SEMA4F: variants seen among roughly 807,000 people sequenced by gnomAD.
The protein encoded by SEMA4F is semaphorin-4F.
A neutral mutation model predicts 78.4 loss-of-function variants in SEMA4F; 51 were observed. The ratio of observed to expected loss-of-function variants is 0.65; its 90% CI spans 0.52 to 0.82. The LOEUF is 0.82. SEMA4F is among the 40% of genes least tolerant of loss of function. The probability of loss-of-function intolerance (pLI) is 0.00; values close to 1 mark genes in which losing one functional copy is unlikely to be tolerated. For synonymous variants in SEMA4F, 418 were observed against 408.7 expected, an observed-to-expected ratio of 1.02 and a Z score of -0.27; for missense variants, 938 against 1,014.4, an observed-to-expected ratio of 0.92 and a Z score of 1.02.
intron 12 of SEMA4F, among the ~76,000 whole-genome samples, chr2:74,677,452 A>G (rs1367646920): frequency 1.3e-5 from 2 of 152,180 alleles, no homozygotes; most frequent in Non-Finnish European, 2.9e-5. Context: ...AAACCATATT[A>G]CCATTATCAT....
At chr2:74,671,010 AC>A (rs1558727957) in intron 5 of SEMA4F, among the ~76,000 whole-genome samples, 1 of 137,930 alleles carries the variant, frequency 7.3e-6, no homozygotes, top group African/African-American at 3.5e-5. Context: ...ATCTTATTTA[AC>A]CCTTAGCACT....
At chr2:74,709,042 T>C in the SEMA4F span, among the ~76,000 whole-genome samples, 1 of 152,266 alleles carries the variant, frequency 6.6e-6, no homozygotes, top group East Asian at 1.9e-4. Context: ...TGCGTGCCTA[T>C]AGTCCCAGCT....
At chr2:74,661,393 T>A (rs752315553) in intron 4 of SEMA4F, among the ~76,000 whole-genome samples, 1 of 152,198 alleles carries the variant, frequency 6.6e-6, no homozygotes, top group Non-Finnish European at 1.5e-5. Context: ...CAGATTAATC[T>A]TGGGTGGGTA....
the SEMA4F span, among the ~76,000 whole-genome samples, chr2:74,690,454 A>T: frequency 6.6e-6 from 1 of 152,238 alleles, no homozygotes; most frequent in Non-Finnish European, 1.5e-5. Context: ...AGTGAAGGAA[A>T]AAAATGGAAG....
chr2:74,654,303 C>T lies in SEMA4F; in HGVS notation c.-74C>T. The T allele has an allele frequency of 7.3e-7, 1 of 1,368,648 alleles. No individual in the cohort carries two copies. The highest frequency in any genetic ancestry group is 9.4e-7 in the Non-Finnish European group (1 of 1,066,778). 84.8% of individuals were successfully genotyped at this position (1,368,648 alleles called of 1,614,324 possible). Reference sequence around the variant, plus strand: ...CCGAGCCGAGAGGACCCGAGTGGGGCCGAGGCCAGTAGCCCCGGGGCCCTG... The same window carrying T: ...CCGAGCCGAGAGGACCCGAGTGGGGTCGAGGCCAGTAGCCCCGGGGCCCTG... On this transcript the variant is annotated 5_prime_UTR_variant, in exon 1 of 14. Transcript: ENST00000357877.
the SEMA4F span, among the ~76,000 whole-genome samples, chr2:74,693,092 G>C: frequency 1.3e-5 from 2 of 152,158 alleles, no homozygotes; most frequent in African/African-American, 4.8e-5. Flanking sequence ...ATTCAACATA[G>C]GGATATAAAT....
chr2:74,675,218 C>T lies in SEMA4F; in HGVS notation c.1206C>T (p.Asp402=). The T allele has an allele frequency of 6.2e-7, 1 of 1,614,182 alleles. No homozygotes were observed. Residue 402 remains aspartate, a synonymous_variant, in exon 10 of 14, where the codon GAC becomes GAT. Transcript: ENST00000357877. The part of the protein sequence containing the change: ...RHFGSSLSLP[D]RVLTFIRDHP... ...TTGGCTCATCTCTCTCCCTGCCTGA[C>T]CGCGTACTCACCTTCATCCGGGACC...
chr2:74,680,460 T>C lies in SEMA4F; in HGVS notation c.*251T>C. The C allele has an allele frequency of 2.3e-6, 1 of 425,992 alleles. No individual in the cohort carries two copies. The highest frequency in any genetic ancestry group is 3.8e-5 in the East Asian group (1 of 26,240). 26.4% of individuals were successfully genotyped at this position (425,992 alleles called of 1,614,324 possible). On this transcript the variant is annotated 3_prime_UTR_variant, in exon 14 of 14. Coordinates refer to ENST00000357877, the MANE Select transcript of SEMA4F (RefSeq NM_004263.5). ...CAAATCAGGGCTTCCCCCTAACATC[T>C]GAACTCCTGTAAACCTTCATCCCTG...
intron 5 of SEMA4F, among the ~76,000 whole-genome samples, chr2:74,666,629 C>G (rs1260820891): frequency 1.3e-5 from 2 of 152,046 alleles, no homozygotes; most frequent in African/African-American, 4.8e-5. Context: ...AAAGTTTTTC[C>G]TGGTCTGACA....
At chr2:74,697,449 A>T in the SEMA4F span, among the ~76,000 whole-genome samples, 1 of 152,156 alleles carries the variant, frequency 6.6e-6, no homozygotes, top group Admixed American at 6.5e-5. Context: ...GTAATCCTGG[A>T]GAAGTGAGGG....
chr2:74,684,123 G>A (rs1368301501), downstream of SEMA4F, among the ~76,000 whole-genome samples: 3 of 150,390 alleles, frequency 2.0e-5, no homozygotes, highest in Non-Finnish European at 4.4e-5. Flanking sequence ...CAAAGCCTAT[G>A]GTTTCATCAT....
chr2:74,670,173 T>C (rs927263240), intron 5 of SEMA4F, among the ~76,000 whole-genome samples: 6 of 152,160 alleles, frequency 3.9e-5, no homozygotes, highest in African/African-American at 1.4e-4. Flanking sequence ...ATATAAGCAA[T>C]GTATCACAAT....
intron 13 of SEMA4F, 43 bp from the exon 14 acceptor site, chr2:74,679,556 C>A (rs759478764): frequency 1.3e-6 from 2 of 1,566,868 alleles, no homozygotes; most frequent in Non-Finnish European, 1.7e-6. Context: ...ACACCTCCAG[C>A]CTTTAGCCTC....
chr2:74,665,167 A>G (rs1684622824), intron 5 of SEMA4F, among the ~76,000 whole-genome samples: 1 of 151,578 alleles, frequency 6.6e-6, no homozygotes, highest in Admixed American at 6.6e-5. Flanking sequence ...ATTTTTTCCT[A>G]TGCATGACTT....
Position 74,657,560 on chromosome 2 carries a change from C to G in SEMA4F, c.298-5C>G. On this transcript the variant is annotated splice_region_variant and splice_polypyrimidine_tract_variant and intron_variant, in intron 2 of 13. Transcript: ENST00000357877. ...TGGGTGAAATGATCACTTCTCCTTT[C>G]TCAGATTGACTGGATGGTTCCTGAG... is the stretch of plus-strand genomic sequence containing the variant. 6.2e-7 allele frequency: 1 copy of G among 1,613,972 alleles called. No individual in the cohort carries two copies. The highest frequency in any genetic ancestry group is 8.5e-7 in the Non-Finnish European group (1 of 1,179,836).
chr2:74,693,828 G>T, the SEMA4F span, among the ~76,000 whole-genome samples: 56 of 152,176 alleles, frequency 3.7e-4, no homozygotes, highest in African/African-American at 1.3e-3. Flanking sequence ...TCCTTTGTGT[G>T]GTTGTGTCAT....
At chr2:74,699,141 C>T in the SEMA4F span, among the ~76,000 whole-genome samples, 114 of 152,234 alleles carry the variant, frequency 7.5e-4, no homozygotes, top group African/African-American at 2.7e-3. Context: ...AAGCCTGGTG[C>T]TTGAATGCTG....
At position 74,654,505 on chromosome 2, in the gene SEMA4F, C is replaced by T. The variant is rs28720761; in HGVS notation, c.129C>T (p.Thr43=). 4.6e-5 allele frequency: 72 copies of T among 1,573,082 alleles called. No individual in the cohort carries two copies. The highest frequency in any genetic ancestry group is 9.5e-6 in the Non-Finnish European group (11 of 1,163,532). The part of the protein sequence containing the change: ...SGRVPRSVPR[T]SLPISEADSC... The stretch of plus-strand genomic sequence containing the variant: ...GCGTCCCCCGCTCGGTGCCCAGAAC[C>T]TCGCTTCCAATCTCTGGTAAGGCGC... Residue 43 remains threonine (T), a synonymous_variant, in exon 1 of 14, where the codon ACC becomes ACT. Coordinates refer to ENST00000357877, the MANE Select transcript of SEMA4F (RefSeq NM_004263.5).
At position 74,675,012 on chromosome 2, in the gene SEMA4F, G is replaced by A; in HGVS notation, c.1126G>A (p.Val376Met). The A allele has an allele frequency of 6.2e-7, 1 of 1,613,998 alleles. No homozygotes were observed. The highest frequency in any genetic ancestry group is 1.7e-5 in the Admixed American group (1 of 60,022). The change falls in exon 9 of 14, where the codon GTG (valine) becomes ATG (methionine). Residue 376 changes from valine to methionine, a missense_variant. Physicochemically the swap from Val to Met is conservative, Grantham distance 21. Coordinates refer to ENST00000357877, the MANE Select transcript of SEMA4F (RefSeq NM_004263.5). ...NRGLPVVDNDVPQPRPGECIT... is the reference protein window; with the variant it reads ...NRGLPVVDNDMPQPRPGECIT... The stretch of plus-strand genomic sequence containing the variant: ...AGGACTGCCTGTCGTGGACAATGAT[G>A]TGCCCCAGCCCAGACCTGGAGAGGT...
Sources: allele counts gnomAD v4.1 joint callset (sites outside exome capture counted in the v4.1 genomes callset), GRCh38; gene constraint gnomAD v4.1.1; transcripts MANE v1.5; gene names NCBI Gene and HGNC (gene_info 2026-07-23, HGNC 2026-07-21).